Variants in RGS6 observed in about 807,000 individuals in gnomAD.
RGS6 encodes regulator of G-protein signaling 6.
Under a neutral mutation model 78.5 loss-of-function variants are expected in RGS6, and 30 were observed. That is an observed-to-expected ratio of 0.38 (90% CI 0.29 to 0.52). The LOEUF is 0.52. Ranked by LOEUF, RGS6 falls within the 20% of genes least tolerant of loss-of-function variation. RGS6 has a pLI of 0.85. For missense variants in RGS6, 495 were observed against 609.7 expected, an observed-to-expected ratio of 0.81 and a Z score of 1.98; for synonymous variants, 206 against 206.0, an observed-to-expected ratio of 1.00 and a Z score of 0.00.
chr14:72,408,557 G>A (rs894459352), intron 3 of RGS6, among the ~76,000 whole-genome samples: 3 of 152,110 alleles, frequency 2.0e-5, no homozygotes, highest in Admixed American at 1.3e-4. Flanking sequence ...TGTTGTGTGG[G>A]ACTCTATCAT....
At chr14:72,030,734 T>A (rs11851082) in intron 2 of RGS6, among the ~76,000 whole-genome samples, 6,655 of 152,276 alleles carry the variant, frequency 0.044, 182 homozygotes, top group African/African-American at 0.078. Context: ...GTGTTAACAA[T>A]ATCATTATCT....
At chr14:72,069,659 C>T (rs931654742) in intron 2 of RGS6, among the ~76,000 whole-genome samples, 1 of 152,098 alleles carries the variant, frequency 6.6e-6, no homozygotes, top group Non-Finnish European at 1.5e-5. Context: ...CCTACCTCAG[C>T]CTCCAGAGTA....
chr14:72,425,770 A>G (rs1442879992), intron 3 of RGS6, among the ~76,000 whole-genome samples: 1 of 152,212 alleles, frequency 6.6e-6, no homozygotes, highest in Non-Finnish European at 1.5e-5. Flanking sequence ...AAAATGACCC[A>G]GAAATTTTCC....
chr14:72,127,592 C>A (rs1477289881), intron 2 of RGS6, among the ~76,000 whole-genome samples: 1 of 151,994 alleles, frequency 6.6e-6, no homozygotes, highest in Non-Finnish European at 1.5e-5. Flanking sequence ...GCACAGAACA[C>A]AATTAACCAG....
At chr14:72,424,649 GA>G (rs1478932304) in intron 3 of RGS6, among the ~76,000 whole-genome samples, 1 of 152,162 alleles carries the variant, frequency 6.6e-6, no homozygotes, top group Non-Finnish European at 1.5e-5. Flanking sequence ...CTCCTTGGCT[GA>G]TATGGAAAAA....
intron 3 of RGS6, among the ~76,000 whole-genome samples, chr14:72,371,840 A>G (rs2083576881): frequency 6.6e-6 from 1 of 152,230 alleles, no homozygotes; most frequent in Non-Finnish European, 1.5e-5. Flanking sequence ...GATTTAGTGT[A>G]GCTGACCCGG....
At chr14:72,087,534 C>G (rs1168113435) in intron 2 of RGS6, among the ~76,000 whole-genome samples, 2 of 151,776 alleles carry the variant, frequency 1.3e-5, no homozygotes, top group African/African-American at 4.8e-5. Context: ...GTCAGTCTTA[C>G]TAATGACTGT....
At chr14:72,413,350 G>A (rs2093570407) in intron 3 of RGS6, among the ~76,000 whole-genome samples, 1 of 152,096 alleles carries the variant, frequency 6.6e-6, no homozygotes, top group Non-Finnish European at 1.5e-5. Flanking sequence ...TTTGATCTTT[G>A]TTGGTTTAAA....
Position 72,459,690 on chromosome 14 carries a change from A to C in RGS6, c.394+7A>C. On this transcript the variant is annotated splice_region_variant and intron_variant, in intron 6 of 17. Coordinates refer to ENST00000553525, the MANE Select transcript of RGS6 (RefSeq NM_001204424.2). ...CCTGAAAACACTGACTATGGTGAGA[A>C]CTGAAGCCACTGGGAACTCTCAACT... The C allele has an allele frequency of 1.2e-6, 2 of 1,614,042 alleles. No homozygotes were observed. Among genetic ancestry groups the C allele is most frequent in the Non-Finnish European group, 8.5e-7 (1 of 1,179,906 alleles).
intron 3 of RGS6, among the ~76,000 whole-genome samples, chr14:72,390,987 T>C (rs1319153477): frequency 6.6e-6 from 1 of 152,156 alleles, no homozygotes; most frequent in Admixed American, 6.5e-5. Flanking sequence ...TGCTCCAGGG[T>C]TGTGACCAGA....
intron 12 of RGS6, among the ~76,000 whole-genome samples, chr14:72,486,949 T>A (rs2096497507): frequency 6.6e-6 from 1 of 152,090 alleles, no homozygotes; most frequent in Non-Finnish European, 1.5e-5. Flanking sequence ...TTCTTTCACC[T>A]CCTCTCAGTC....
chr14:72,118,499 A>T (rs1453500032), intron 2 of RGS6, among the ~76,000 whole-genome samples: 1 of 152,202 alleles, frequency 6.6e-6, no homozygotes. Context: ...ATTTACTTTC[A>T]TATTGGATAC....
chr14:72,503,324 A>G (rs2096753712), intron 13 of RGS6, among the ~76,000 whole-genome samples: 1 of 152,240 alleles, frequency 6.6e-6, no homozygotes, highest in Non-Finnish European at 1.5e-5. Context: ...CCCAGAATTT[A>G]TGTCATCTTG....
intron 2 of RGS6, among the ~76,000 whole-genome samples, chr14:72,030,808 G>A (rs1360897824): frequency 3.3e-5 from 5 of 152,154 alleles, no homozygotes; most frequent in African/African-American, 1.2e-4. Context: ...AGGCTTTACA[G>A]CCAAAAGTAA....
intron 2 of RGS6, among the ~76,000 whole-genome samples, chr14:72,045,889 A>G (rs2092792345): frequency 1.3e-5 from 2 of 152,012 alleles, no homozygotes; most frequent in South Asian, 4.2e-4. Flanking sequence ...TAGGGATGGA[A>G]TATTTGTGTC....
chr14:71,932,191 T>G (rs1300160321), upstream of RGS6, among the ~76,000 whole-genome samples: 2 of 152,186 alleles, frequency 1.3e-5, no homozygotes, highest in African/African-American at 4.8e-5. Flanking sequence ...TTTCTCCTCC[T>G]CGAGCAAATC....
rs2088368819 is a variant in RGS6 at position 72,387,150 on chromosome 14, G to GAT, written c.184+34964_184+34965dup. ...ATATACATATTAATACACATTATAA[G>GAT]ATATATATAAATATCAATAAATAAT... On this transcript the variant is annotated intron_variant, in intron 3 of 17. Coordinates refer to ENST00000553525, the MANE Select transcript of RGS6 (RefSeq NM_001204424.2). Among the ~76,000 whole-genome samples, 5 of 152,094 alleles carry GAT rather than the reference G, an allele frequency of 3.3e-5. No homozygotes were observed. In the South Asian group the frequency reaches 1.0e-3, roughly 32 times the overall value.
chr14:72,154,096 T>C (rs2096734576), intron 2 of RGS6, among the ~76,000 whole-genome samples: 1 of 152,190 alleles, frequency 6.6e-6, no homozygotes, highest in African/African-American at 2.4e-5. Flanking sequence ...TTAATATTCC[T>C]TGCTAGGAAA....
chr14:72,103,189 C>G (rs369144901), intron 2 of RGS6, among the ~76,000 whole-genome samples: 2 of 152,292 alleles, frequency 1.3e-5, no homozygotes, highest in African/African-American at 2.4e-5. Context: ...CATTGCATTA[C>G]GGCAATTCCA....
Sources: gnomAD v4.1 joint callset for allele counts (sites outside exome capture counted in the v4.1 genomes callset) on GRCh38, gnomAD v4.1.1 for gene constraint, MANE v1.5 for transcripts, NCBI Gene and HGNC (gene_info 2026-07-23, HGNC 2026-07-21) for gene names.